KCNK10: variants seen among roughly 807,000 people sequenced by gnomAD.
KCNK10 encodes the protein potassium channel subfamily K member 10.
Under a neutral mutation model 47.7 loss-of-function variants are expected in KCNK10, and 25 were observed. That is an observed-to-expected ratio of 0.52 (90% CI 0.38 to 0.73). The LOEUF (loss-of-function observed/expected upper bound fraction) is 0.73, where lower values mean the gene tolerates loss of function less well. Among genes scored for constraint, KCNK10 ranks in the 30% least tolerant of loss-of-function variants. The pLI is 0.00. For missense variants in KCNK10, 563 were observed against 714.5 expected (o/e 0.79, Z 2.42); for synonymous variants, 303 against 285.6 (o/e 1.06, Z -0.61).
chr14:88,314,090 G>A (rs1888380451), intron 1 of KCNK10, among the ~76,000 whole-genome samples: 1 of 152,178 alleles, frequency 6.6e-6, no homozygotes, highest in Non-Finnish European at 1.5e-5. Flanking sequence ...CTAATGCTAG[G>A]AAAGGTTAGG....
chr14:88,314,738 C>T (rs564482130), intron 1 of KCNK10, among the ~76,000 whole-genome samples: 2 of 152,302 alleles, frequency 1.3e-5, no homozygotes, highest in African/African-American at 4.8e-5. Flanking sequence ...CAGGCTGCCT[C>T]CTGCAACTGT....
rs997371654 is a variant in KCNK10, at chr14:88,183,776, T to C, written c.*1759A>G. On this transcript the variant is annotated 3_prime_UTR_variant, in exon 7 of 7. Transcript: ENST00000319231. Reference sequence around the variant, plus strand: ...GGAAGAGCTGTGCATTTTTGAGAAATGGGCAGGGACAGGTCTTCCATGGTA... The same window carrying C: ...GGAAGAGCTGTGCATTTTTGAGAAACGGGCAGGGACAGGTCTTCCATGGTA... The C allele has an allele frequency of 2.0e-5, 3 of 152,336 alleles. No individual in the cohort carries two copies. The highest frequency in any genetic ancestry group is 4.4e-5 in the Non-Finnish European group (3 of 68,052). 9.4% of individuals were successfully genotyped at this position (152,336 alleles called of 1,614,324 possible). A position where few individuals can be genotyped will look rare whatever the true frequency, so the allele number is the denominator to read the frequency against.
chr14:88,243,841 T>C (rs1886548095), intron 2 of KCNK10, among the ~76,000 whole-genome samples: 1 of 150,818 alleles, frequency 6.6e-6, no homozygotes. Context: ...TGCCCAAGTC[T>C]TTGAAGAGCA....
intron 4 of KCNK10, among the ~76,000 whole-genome samples, chr14:88,206,878 T>C (rs1293864509): frequency 6.6e-6 from 1 of 152,230 alleles, no homozygotes; most frequent in African/African-American, 2.4e-5. Context: ...AAATATATGC[T>C]ATAAAAGAAT....
At chr14:88,198,045 C>G (rs76502879) in intron 4 of KCNK10, among the ~76,000 whole-genome samples, 2,123 of 152,288 alleles carry the variant, frequency 0.014, 30 homozygotes, top group East Asian at 0.043. Flanking sequence ...CCTAATGACA[C>G]CTAGGTGACC....
chr14:88,231,280 G>GAAAAATAAAAAT (rs59735959), intron 3 of KCNK10, among the ~76,000 whole-genome samples: 1 of 149,654 alleles, frequency 6.7e-6, no homozygotes, highest in African/African-American at 2.5e-5. Context: ...CCCCTTCTCT[G>GAAAAATAAAAAT]AAAAATAAAA....
intron 3 of KCNK10, among the ~76,000 whole-genome samples, chr14:88,237,915 T>C (rs1886341680): frequency 6.6e-6 from 1 of 152,214 alleles, no homozygotes; most frequent in Admixed American, 6.5e-5. Context: ...AGCCTATCAT[T>C]TGAAGCTTTG....
intron 4 of KCNK10, among the ~76,000 whole-genome samples, chr14:88,209,670 G>T (rs12878377): frequency 0.22 from 32,995 of 152,090 alleles, 4,671 homozygotes; most frequent in Non-Finnish European, 0.31. Flanking sequence ...ACCCTTTCTG[G>T]GGCCCCCTCC....
At chr14:88,240,648 C>T (rs573648200) in intron 3 of KCNK10, 55 bp downstream of exon 3, 8 of 1,106,514 alleles carry the variant, frequency 7.2e-6, no homozygotes, top group South Asian at 2.5e-5. Flanking sequence ...ACTGACTAAG[C>T]GCCCTTACTC....
rs369398417 is a variant in KCNK10, at chr14:88,188,097, C to T, written c.881G>A (p.Gly294Asp). The T allele has an allele frequency of 2.5e-6, 4 of 1,614,204 alleles. No homozygotes were observed. Among genetic ancestry groups the T allele is most frequent in the Non-Finnish European group, 1.7e-6 (2 of 1,180,034 alleles). Residue 294 changes from glycine to aspartate, a missense_variant, in exon 6 of 7, where the codon GGC becomes GAC. Physicochemically the swap from Gly to Asp is moderately conservative, Grantham distance 94. Coordinates refer to ENST00000319231, the MANE Select transcript of KCNK10 (RefSeq NM_138317.3). ...CTTATACCACTCCCGATAATTGATG[C>T]CAGCGTTTCCCCCTGAAAACAACCA... ...FGDFVAGGNA[G>D]INYREWYKPL...
intron 1 of KCNK10, among the ~76,000 whole-genome samples, chr14:88,301,873 G>A (rs1023202951): frequency 1.3e-5 from 2 of 152,106 alleles, no homozygotes; most frequent in Non-Finnish European, 2.9e-5. Flanking sequence ...TTTAAGCTGC[G>A]GGTCAAGAGA....
At chr14:88,211,195 A>G (rs1885446230) in intron 4 of KCNK10, among the ~76,000 whole-genome samples, 1 of 152,248 alleles carries the variant, frequency 6.6e-6, no homozygotes, top group South Asian at 2.1e-4. Flanking sequence ...AAATTCTGAC[A>G]CATGTGCAAT....
At chr14:88,300,459 A>G (rs986541914) in intron 1 of KCNK10, among the ~76,000 whole-genome samples, 1 of 152,222 alleles carries the variant, frequency 6.6e-6, no homozygotes, top group Non-Finnish European at 1.5e-5. Flanking sequence ...GTCATCCTAC[A>G]AGAGTAGGCT....
At chr14:88,276,420 C>T (rs2139767848) in intron 1 of KCNK10, among the ~76,000 whole-genome samples, 1 of 152,186 alleles carries the variant, frequency 6.6e-6, no homozygotes, top group African/African-American at 2.4e-5. Context: ...TTCTGTTGTG[C>T]AAAAGCTACT....
rs79030716 is a variant in KCNK10 at position 88,284,416 on chromosome 14, A to G, written c.53-20865T>C. On this transcript the variant is annotated intron_variant, in intron 1 of 6. Coordinates refer to ENST00000319231, the MANE Select transcript of KCNK10 (RefSeq NM_138317.3). Reference sequence around the variant, plus strand: ...TTAAGGAGTATTGACTCACATGATCACAAGGTGTCCCACAATAGGCCATCT... The same window carrying G: ...TTAAGGAGTATTGACTCACATGATCGCAAGGTGTCCCACAATAGGCCATCT... Among the ~76,000 whole-genome samples the G allele has an allele frequency of 2.1e-4, 32 of 152,288 alleles. No homozygotes were observed. The East Asian group carries it at 6.2e-3, about 29-fold the overall frequency.
At chr14:88,252,392 A>G (rs1419001036) in intron 2 of KCNK10, among the ~76,000 whole-genome samples, 2 of 152,208 alleles carry the variant, frequency 1.3e-5, no homozygotes, top group African/African-American at 4.8e-5. Flanking sequence ...TTGTTGAATG[A>G]AAGAATGAAT....
intron 1 of KCNK10, among the ~76,000 whole-genome samples, chr14:88,288,595 A>T (rs892948304): frequency 6.6e-6 from 1 of 152,140 alleles, no homozygotes; most frequent in Non-Finnish European, 1.5e-5. Flanking sequence ...CCTCCACTGC[A>T]TGCTGAAAAC....
At chr14:88,289,247 T>C (rs1477655641) in intron 1 of KCNK10, among the ~76,000 whole-genome samples, 1 of 152,220 alleles carries the variant, frequency 6.6e-6, no homozygotes, top group Non-Finnish European at 1.5e-5. Context: ...TACCTCCTTC[T>C]TTGCCTTTTA....
chr14:88,302,005 G>A (rs115432574), intron 1 of KCNK10, among the ~76,000 whole-genome samples: 1,695 of 152,310 alleles, frequency 0.011, 39 homozygotes, highest in African/African-American at 0.039. Context: ...AGGAAGATGC[G>A]TGGAATGAGG....
Sources: allele counts gnomAD v4.1 joint callset (sites outside exome capture counted in the v4.1 genomes callset), GRCh38; gene constraint gnomAD v4.1.1; transcripts MANE v1.5; gene names NCBI Gene and HGNC (gene_info 2026-07-23, HGNC 2026-07-21).